Variants in NRG1 observed in about 807,000 individuals in gnomAD.
NRG1 encodes neuregulin 1.
Under a neutral mutation model 63.8 loss-of-function variants are expected in NRG1, and 18 were observed. The ratio of observed to expected loss-of-function variants is 0.28; its 90% CI spans 0.19 to 0.42. The LOEUF is 0.42. NRG1 is among the 10% of genes least tolerant of loss of function. The probability of loss-of-function intolerance (pLI) is 1.00; values close to 1 mark genes in which losing one functional copy is unlikely to be tolerated. For missense variants in NRG1, 762 were observed against 814.7 expected (o/e 0.94, Z 0.79); for synonymous variants, 302 against 301.3 (o/e 1.00, Z -0.02).
At chr8:32,527,827 C>G (rs145234475) in intron 1 of NRG1, among the ~76,000 whole-genome samples, 2 of 152,198 alleles carry the variant, frequency 1.3e-5, no homozygotes, top group Admixed American at 1.3e-4. Flanking sequence ...CAGGCATTTT[C>G]TTTGTTCCTC....
intron 5 of NRG1, among the ~76,000 whole-genome samples, chr8:32,661,487 A>T (rs1415278720): frequency 1.1e-4 from 17 of 152,234 alleles, no homozygotes; most frequent in Non-Finnish European, 4.4e-5. Context: ...GATCTTGTAG[A>T]TAACCTAATC....
At chr8:32,217,023 G>A (rs1366603657) in intron 1 of NRG1, among the ~76,000 whole-genome samples, 1 of 151,866 alleles carries the variant, frequency 6.6e-6, no homozygotes, top group African/African-American at 2.4e-5. Context: ...GACCAGCCTG[G>A]CCAACATGGT....
At chr8:32,231,123 G>A (rs1434097859) in intron 1 of NRG1, among the ~76,000 whole-genome samples, 2 of 151,962 alleles carry the variant, frequency 1.3e-5, no homozygotes, top group African/African-American at 2.4e-5. Context: ...GTCAGAAGAA[G>A]CAAAGGAAAG....
At chr8:31,685,012 TCTC>T (rs1192288954) in intron 1 of NRG1, among the ~76,000 whole-genome samples, 2 of 152,170 alleles carry the variant, frequency 1.3e-5, no homozygotes, top group African/African-American at 2.4e-5. Flanking sequence ...ACTGGATTAA[TCTC>T]CTACGTATTT....
At chr8:31,700,497 GTTTGGCT>G (rs1810524096) in intron 1 of NRG1, among the ~76,000 whole-genome samples, 1 of 152,134 alleles carries the variant, frequency 6.6e-6, no homozygotes, top group South Asian at 2.1e-4. Flanking sequence ...ACAGCTGTTT[GTTTGGCT>G]TTCCAGCGGC....
At chr8:32,636,494 C>T (rs1395084082) in intron 5 of NRG1, among the ~76,000 whole-genome samples, 1 of 152,164 alleles carries the variant, frequency 6.6e-6, no homozygotes, top group Non-Finnish European at 1.5e-5. Context: ...GACCAGTTGA[C>T]CACTGGAAAA....
chr8:32,246,815 G>A (rs1848631480), intron 1 of NRG1, among the ~76,000 whole-genome samples: 1 of 152,132 alleles, frequency 6.6e-6, no homozygotes, highest in South Asian at 2.1e-4. Context: ...GGATGGGGGT[G>A]GAGGGAATGG....
chr8:31,967,228 TTAGTA>T (rs765296620), intron 1 of NRG1, among the ~76,000 whole-genome samples: 25 of 152,140 alleles, frequency 1.6e-4, no homozygotes, highest in Admixed American at 2.6e-4. Flanking sequence ...TTGCATGAAC[TTAGTA>T]TATCTCTTTC....
At chr8:31,919,833 T>G (rs1210952415) in intron 1 of NRG1, among the ~76,000 whole-genome samples, 1 of 152,112 alleles carries the variant, frequency 6.6e-6, no homozygotes, top group Non-Finnish European at 1.5e-5. Flanking sequence ...ACAAGGTGGG[T>G]CCGGGTCATA....
chr8:31,640,292 C>A lies in NRG1; in HGVS notation c.37+861C>A. On this transcript the variant is annotated intron_variant, in intron 1 of 10. Transcript: ENST00000519301. This position sits in a 1 kb window ranked among gnomAD's most constrained non-coding sequence, Gnocchi z 6.3. Reference sequence around the variant, plus strand: ...GGGGCACTCGACAGGAAGGCGGCGGCGGCGGCGGGCGAGGCAGGGGCGTGG... The same window carrying A: ...GGGGCACTCGACAGGAAGGCGGCGGAGGCGGCGGGCGAGGCAGGGGCGTGG... 4 of 1,121,806 alleles carry A rather than the reference C, an allele frequency of 3.6e-6. No homozygotes were observed. Among genetic ancestry groups the A allele is most frequent in the East Asian group, 4.6e-5 (1 of 21,648 alleles). 69.5% of individuals were successfully genotyped at this position (1,121,806 alleles called of 1,614,324 possible).
intron 5 of NRG1, among the ~76,000 whole-genome samples, chr8:32,624,738 G>A (rs778924624): frequency 1.6e-4 from 25 of 152,026 alleles, no homozygotes; most frequent in Non-Finnish European, 3.2e-4. Flanking sequence ...GTAGAAAAAC[G>A]TAGACAAATG....
intron 1 of NRG1, among the ~76,000 whole-genome samples, chr8:32,443,832 A>C (rs1236862264): frequency 7.1e-5 from 1 of 14,040 alleles, no homozygotes; most frequent in Non-Finnish European, 8.3e-4. Flanking sequence ...GGAGTTTCTT[A>C]AAGAGAGAAA....
chr8:31,937,829 A>G (rs528134542), intron 1 of NRG1, among the ~76,000 whole-genome samples: 139 of 152,184 alleles, frequency 9.1e-4, no homozygotes, highest in South Asian at 4.8e-3. Flanking sequence ...TAGACTGGGA[A>G]CCACATCCCC....
At chr8:32,335,254 G>C (rs768782048) in intron 1 of NRG1, among the ~76,000 whole-genome samples, 1 of 152,162 alleles carries the variant, frequency 6.6e-6, no homozygotes, top group Non-Finnish European at 1.5e-5. Flanking sequence ...GACAATGGAG[G>C]CTTTCTACAT....
intron 1 of NRG1, among the ~76,000 whole-genome samples, chr8:31,998,726 C>G (rs139022802): frequency 1.4e-3 from 216 of 152,068 alleles, no homozygotes; most frequent in African/African-American, 4.7e-3. Flanking sequence ...CCTGGGTTCT[C>G]CCCACTCTAC....
intron 1 of NRG1, among the ~76,000 whole-genome samples, chr8:32,225,508 C>G (rs1413455042): frequency 6.6e-6 from 1 of 152,048 alleles, no homozygotes; most frequent in Non-Finnish European, 1.5e-5. Context: ...TTTCTACATT[C>G]TTGGGGAAGA....
chr8:31,696,268 T>C (rs1261963895), intron 1 of NRG1, among the ~76,000 whole-genome samples: 3 of 152,190 alleles, frequency 2.0e-5, no homozygotes, highest in African/African-American at 7.2e-5. Flanking sequence ...GGTTTCACCA[T>C]GTTGGCCAGG....
intron 1 of NRG1, among the ~76,000 whole-genome samples, chr8:32,280,756 A>AT (rs577848038): frequency 2.9e-3 from 93 of 31,858 alleles, no homozygotes; most frequent in African/African-American, 5.9e-3. Context: ...TTGTCCTTTC[A>AT]TTTTTTTTTT....
intron 1 of NRG1, among the ~76,000 whole-genome samples, chr8:31,811,574 C>T (rs1822892638): frequency 6.6e-6 from 1 of 151,996 alleles, no homozygotes; most frequent in Admixed American, 6.6e-5. Context: ...CTGTTTTTAT[C>T]TTCTGTGTTG....
Sources: allele counts gnomAD v4.1 joint callset (sites outside exome capture counted in the v4.1 genomes callset), GRCh38; gene constraint gnomAD v4.1.1; non-coding constraint Gnocchi (gnomAD v3.1); transcripts MANE v1.5; gene names NCBI Gene and HGNC (gene_info 2026-07-23, HGNC 2026-07-21).